Variants in PKD1L1 observed in about 807,000 individuals in gnomAD.
PKD1L1 encodes the protein polycystin 1 like 1, transient receptor potential channel interacting, also known as polycystin-1-like protein 1.
Under a neutral mutation model 323.4 loss-of-function variants are expected in PKD1L1, and 236 were observed. The ratio of observed to expected loss-of-function variants is 0.73; its 90% CI spans 0.66 to 0.81. The LOEUF is 0.81. Ranked by LOEUF, PKD1L1 falls within the 40% of genes least tolerant of loss-of-function variation. The pLI, the probability that PKD1L1 is intolerant of heterozygous loss-of-function variation, is 0.00. For missense variants in PKD1L1, 3,320 were observed against 3,508.0 expected (o/e 0.95, Z 1.35); for synonymous variants, 1,344 against 1,335.0 (o/e 1.01, Z -0.15).
intron 22 of PKD1L1, among the ~76,000 whole-genome samples, chr7:47,877,105 C>T (rs1252098387): frequency 1.1e-4 from 16 of 152,050 alleles, no homozygotes; most frequent in African/African-American, 9.7e-5. Flanking sequence ...AGGGTAAGTC[C>T]GTGTTAGAAA....
the PKD1L1 span, among the ~76,000 whole-genome samples, chr7:47,958,874 C>G: frequency 6.6e-6 from 1 of 152,178 alleles, no homozygotes; most frequent in Non-Finnish European, 1.5e-5. Flanking sequence ...GATGCCGAGC[C>G]GAAGCTGGAC....
intron 25 of PKD1L1, among the ~76,000 whole-genome samples, chr7:47,866,120 A>G (rs1217834092): frequency 6.6e-6 from 1 of 152,242 alleles, no homozygotes; most frequent in East Asian, 1.9e-4. Context: ...TAACTCTCCA[A>G]GATAAAATCA....
chr7:47,907,774 C>T (rs1235436704), intron 9 of PKD1L1, among the ~76,000 whole-genome samples: 1 of 152,194 alleles, frequency 6.6e-6, no homozygotes, highest in Non-Finnish European at 1.5e-5. Flanking sequence ...AATCTCCCAG[C>T]CCCTTAGCCA....
Position 47,803,136 on chromosome 7 carries a change from C to T in PKD1L1, c.7962+74G>A, listed in dbSNP as rs1421576733. 3.8e-6 allele frequency: 6 copies of T among 1,576,726 alleles called. No homozygotes were observed. In the Admixed American group the frequency reaches 7.0e-5, roughly 18 times the overall value. On this transcript the variant is annotated intron_variant, in intron 53 of 56. Coordinates refer to ENST00000289672, the MANE Select transcript of PKD1L1 (RefSeq NM_138295.5). ...AACCTTGAGAGCAGTTTGTTTTTCCCTTGAGAAAGGCTGACGAGTACACAG... is the reference window on the plus strand; with the variant it reads ...AACCTTGAGAGCAGTTTGTTTTTCCTTTGAGAAAGGCTGACGAGTACACAG...
intron 24 of PKD1L1, 97 bp downstream of exon 24, chr7:47,873,802 A>G (rs1786339072): frequency 4.8e-6 from 4 of 833,316 alleles, no homozygotes; most frequent in Non-Finnish European, 7.6e-6. Flanking sequence ...TGAGTTCCTG[A>G]CATGTTTTTG....
At chr7:47,795,752 A>G (rs777034501) in intron 55 of PKD1L1, among the ~76,000 whole-genome samples, 9 of 152,206 alleles carry the variant, frequency 5.9e-5, no homozygotes, top group Non-Finnish European at 8.8e-5. Context: ...ACAGGTCACT[A>G]TAAGGATATA....
At chr7:47,832,950 G>A in intron 41 of PKD1L1, 140 bp downstream of exon 41, 2 of 1,155,820 alleles carry the variant, frequency 1.7e-6, no homozygotes, top group Non-Finnish European at 2.4e-6. Flanking sequence ...TTTTGGGTGG[G>A]CCCATGCCTG....
At chr7:47,904,167 T>C (rs1223437115) in intron 12 of PKD1L1, among the ~76,000 whole-genome samples, 1 of 152,140 alleles carries the variant, frequency 6.6e-6, no homozygotes, top group Non-Finnish European at 1.5e-5. Context: ...CCACAGCCCC[T>C]GTACTGAAAG....
At chr7:47,790,106 GTCTCGATCTCCTGAC>G (rs1786904785) in intron 56 of PKD1L1, among the ~76,000 whole-genome samples, 1 of 151,946 alleles carries the variant, frequency 6.6e-6, no homozygotes, top group South Asian at 2.1e-4. Context: ...AGCCAGGATG[GTCTCGATCTCCTGAC>G]CTTGTGATCC....
rs188872110 is a variant in PKD1L1, at chr7:47,926,172, A to C, written c.1060+3032T>G. ...TTAAAGGCTGATAAGAAACATTTAC[A>C]ATCTCTTCTCTCTGAAGGCTGCTAC... On this transcript the variant is annotated intron_variant, in intron 7 of 56. Transcript: ENST00000289672. Among the ~76,000 whole-genome samples, 26 of 152,360 alleles carry C rather than the reference A, an allele frequency of 1.7e-4. No homozygotes were observed. The East Asian group carries it at 4.4e-3, about 26-fold the overall frequency.
chr7:47,865,220 T>C lies in PKD1L1; in HGVS notation c.4145A>G (p.Asn1382Ser), dbSNP rs950272063. The C allele has an allele frequency of 1.9e-6, 3 of 1,612,492 alleles. No individual in the cohort carries two copies. Among genetic ancestry groups the C allele is most frequent in the Non-Finnish European group, 2.5e-6 (3 of 1,179,126 alleles). The stretch of plus-strand genomic sequence containing the variant: ...CTGGGAAAAAATTGCACTTACCTTA[T>C]TAGAGAAGCTCACGAGGTCCCTCAA... The part of the protein sequence containing the change: ...LMLRDLVSFS[N>S]KLGFMSAVLI... Residue 1382 changes from asparagine to serine, a missense_variant, in exon 26 of 57, where the codon AAT becomes AGT. By Grantham distance (46) the Asn-to-Ser change is conservative. Transcript: ENST00000289672.
intron 8 of PKD1L1, among the ~76,000 whole-genome samples, chr7:47,909,872 A>G (rs1185717021): frequency 6.6e-6 from 1 of 152,226 alleles, no homozygotes; most frequent in East Asian, 1.9e-4. Flanking sequence ...AATAGTGAAC[A>G]TGGTAGCATG....
intron 46 of PKD1L1, chr7:47,817,941 T>G: frequency 1.0e-6 from 1 of 1,002,640 alleles, no homozygotes; most frequent in Admixed American, 2.9e-5. Flanking sequence ...TTTTATTTCT[T>G]TTTTCTTACG....
chr7:47,957,990 G>T, the PKD1L1 span, among the ~76,000 whole-genome samples: 3 of 151,760 alleles, frequency 2.0e-5, no homozygotes, highest in African/African-American at 7.3e-5. Context: ...TTCATGGATT[G>T]AAAGAATTAT....
chr7:47,820,998 G>T, intron 46 of PKD1L1, 78 bp downstream of exon 46: 1 of 827,354 alleles, frequency 1.2e-6, no homozygotes, highest in Non-Finnish European at 2.0e-6. Context: ...TGTGGGATGT[G>T]AAACATGGGG....
chr7:47,815,405 A>T lies in PKD1L1; in HGVS notation c.7018T>A (p.Trp2340Arg). Reference protein sequence around the residue: ...GLRNIADWWDWSLTTLLDGLY... With the variant: ...GLRNIADWWDRSLTTLLDGLY... ...CCATCCAGAAGTGTGGTCAGACTCC[A>T]GTCCCACCAGTCAGCGATGTTTCTC... The change falls in exon 47 of 57, where the codon TGG becomes AGG. Residue 2340 changes from tryptophan (W) to arginine (R), a missense_variant. Transcript: ENST00000289672. 7 of 1,614,128 alleles carry T rather than the reference A, an allele frequency of 4.3e-6. No individual in the cohort carries two copies. The highest frequency in any genetic ancestry group is 5.9e-6 in the Non-Finnish European group (7 of 1,179,988).
rs780583325 is a variant in PKD1L1, at chr7:47,904,561, T to C, written c.1748A>G (p.His583Arg). 10 of 1,613,922 alleles carry C rather than the reference T, an allele frequency of 6.2e-6. No homozygotes were observed. Among genetic ancestry groups the C allele is most frequent in the Non-Finnish European group, 7.6e-6 (9 of 1,179,998 alleles). Residue 583 changes from histidine (H) to arginine (R), a missense_variant, in exon 12 of 57, where the codon CAT becomes CGT. His to Arg is a conservative substitution (Grantham distance 29). Transcript: ENST00000289672. ...NRMSSVVSEP[H>R]VIRVQKKIVA... ...AATTTTCTTCTGCACCCTGATGACA[T>C]GGGGCTCAGAGACCACACTGCTCAT...
chr7:47,836,725 G>A (rs893751310), intron 37 of PKD1L1, among the ~76,000 whole-genome samples, 196 bp downstream of exon 37: 17 of 152,236 alleles, frequency 1.1e-4, no homozygotes, highest in African/African-American at 4.1e-4. Flanking sequence ...AGCAGAGTCA[G>A]AGCTGTGCAG....
In PKD1L1 at chr7:47,905,919, G is replaced by A. The variant is rs139276028; in HGVS notation, c.1446C>T (p.Asn482=). ...CTTGAGTCTGAGAAATAAAGGACAC[G>A]TTATATGAAGGAATAGATGGAAAGT... The part of the protein sequence containing the change: ...IHHFPSIPSY[N]VSFISQTQVG... The change falls in exon 10 of 57, where the codon AAC becomes AAT. Residue 482 remains asparagine (N), a synonymous_variant. Transcript: ENST00000289672. 44 of 1,612,934 alleles carry A rather than the reference G, an allele frequency of 2.7e-5. 1 individual carries two copies. Among genetic ancestry groups the A allele is most frequent in the Admixed American group, 5.0e-5 (3 of 59,750 alleles).
Sources: gnomAD v4.1 joint callset for allele counts (sites outside exome capture counted in the v4.1 genomes callset) on GRCh38, gnomAD v4.1.1 for gene constraint, MANE v1.5 for transcripts, NCBI Gene and HGNC (gene_info 2026-07-23, HGNC 2026-07-21) for gene names.